The following WDR86 variants were observed in gnomAD, a reference collection of about 807,000 sequenced individuals.
WDR86 encodes the protein WD repeat-containing protein 86.
WDR86 carries 30 observed loss-of-function variants against 36.5 expected under a neutral mutation model. The observed-to-expected ratio is 0.82, with a 90% CI of 0.61 to 1.11. The LOEUF (loss-of-function observed/expected upper bound fraction) is 1.11. WDR86 is among the 50% of genes most tolerant of loss of function. The pLI is 0.00. For synonymous variants in WDR86, 255 were observed against 252.9 expected (o/e 1.01, Z -0.08); for missense variants, 545 against 561.2 (o/e 0.97, Z 0.29).
downstream of WDR86, among the ~76,000 whole-genome samples, chr7:151,380,234 G>A (rs964600153): frequency 2.6e-5 from 4 of 152,192 alleles, no homozygotes; most frequent in Admixed American, 6.5e-5. Context: ...GAGTTACAGC[G>A]CCTGCGTCCT....
At chr7:151,398,459 G>C (rs1800043090) in intron 2 of WDR86, among the ~76,000 whole-genome samples, 2 of 150,908 alleles carry the variant, frequency 1.3e-5, no homozygotes, top group African/African-American at 4.9e-5. Flanking sequence ...GTATGTGTGT[G>C]CACATGTGTA....
At position 151,390,322 on chromosome 7, in the gene WDR86, C is replaced by T. The variant is rs1272690186; in HGVS notation, c.727-5099G>A. On this transcript the variant is annotated intron_variant, in intron 3 of 5. Transcript: ENST00000334493. The surrounding 1 kb of genome is among the most constrained non-coding windows in gnomAD (Gnocchi z 4.5). The stretch of plus-strand genomic sequence containing the variant: ...ACATCAGGACCCCATCTGGCCACGC[C>T]AGGGGCAGCCATCGTGTGTCCCCAC... Among the ~76,000 whole-genome samples the T allele has an allele frequency of 6.6e-6, 1 of 152,174 alleles. No homozygotes were observed. The highest frequency in any genetic ancestry group is 1.5e-5 in the Non-Finnish European group (1 of 68,010).
chr7:151,385,761 C>A (rs114666935), intron 3 of WDR86, among the ~76,000 whole-genome samples: 3,117 of 152,208 alleles, frequency 0.02, 116 homozygotes, highest in African/African-American at 0.072. Context: ...GAAGAGGGCC[C>A]GGGAGACAGT....
intron 3 of WDR86, among the ~76,000 whole-genome samples, chr7:151,391,256 C>T (rs1563051916): frequency 6.6e-6 from 1 of 152,236 alleles, no homozygotes; most frequent in Non-Finnish European, 1.5e-5. Flanking sequence ...ACCCAGAAGT[C>T]CTGCTTCCCG....
chr7:151,395,765 G>A lies in WDR86; in HGVS notation c.726+11C>T. On this transcript the variant is annotated intron_variant, in intron 3 of 5. Transcript: ENST00000334493. ...CCCCTGGCTGCTGGGCGGGGACCAG[G>A]ACAGTCTCACCTCCAGACAGATGAC... 6.5e-7 allele frequency: 1 copy of A among 1,546,606 alleles called. No individual in the cohort carries two copies. Among genetic ancestry groups the A allele is most frequent in the Non-Finnish European group, 8.7e-7 (1 of 1,145,952 alleles).
chr7:151,399,181 A>G (rs1478021096), intron 2 of WDR86, among the ~76,000 whole-genome samples: 1 of 152,098 alleles, frequency 6.6e-6, no homozygotes, highest in Non-Finnish European at 1.5e-5. Context: ...TCAGGGTGTC[A>G]CCCAGCTCCC....
rs1337384144 is a variant in WDR86, at chr7:151,381,634, C to A, written c.1079G>T (p.Arg360Leu). ...GCAGCCCACCTTGTTGCTGAAGAGC[C>A]GCGAGAGGCTGCGCATGGGCGGAGG... ...RPPPPMRSLS[R>L]LFSNKVGCAA... is the part of the protein sequence containing the mutation. Residue 360 changes from arginine (R) to leucine (L), a missense_variant, in exon 6 of 6, where the codon CGG becomes CTG. Arg to Leu is a moderately radical substitution (Grantham distance 102). Coordinates refer to ENST00000334493, the MANE Select transcript of WDR86 (RefSeq NM_198285.3). This position sits in a 1 kb window ranked among gnomAD's most constrained non-coding sequence, Gnocchi z 4.8. 1.4e-6 allele frequency: 2 copies of A among 1,386,980 alleles called. No individual in the cohort carries two copies. The highest frequency in any genetic ancestry group is 3.0e-5 in the East Asian group (1 of 33,326). The allele number at this position is 1,386,980 out of a possible 1,614,324, so 85.9% of individuals were successfully genotyped here. A position where few individuals can be genotyped will look rare whatever the true frequency, so the allele number is the denominator to read the frequency against.
intron 3 of WDR86, 131 bp from the exon 4 acceptor site, chr7:151,385,354 C>T (rs1164044745): frequency 3.7e-5 from 53 of 1,451,660 alleles, no homozygotes; most frequent in Admixed American, 3.3e-4. Context: ...CGAATGGCCC[C>T]GCCACCGGCC....
chr7:151,395,787 T>C lies in WDR86; in HGVS notation c.715A>G (p.Ile239Val). The C allele has an allele frequency of 1.3e-6, 2 of 1,558,650 alleles. No homozygotes were observed. Residue 239 changes from isoleucine to valine, a missense_variant, in exon 3 of 6, where the codon ATC becomes GTC. Transcript: ENST00000334493. ...RVFREHRGSV[I>V]CLELVNRLVY... ...CAGGACAGTCTCACCTCCAGACAGA[T>C]GACGGAGCCCCGGTGCTCCCGGAAC...
intron 4 of WDR86, 140 bp downstream of exon 4, chr7:151,384,948 G>T (rs1247911549): frequency 1.1e-6 from 1 of 950,278 alleles, no homozygotes; most frequent in African/African-American, 1.6e-5. Context: ...ACGGGTGTGT[G>T]GAGAAGGAAC....
At position 151,401,301 on chromosome 7, in the gene WDR86, G is replaced by A. The variant is rs1800272278; in HGVS notation, c.164-1060C>T. The stretch of plus-strand genomic sequence containing the variant: ...TGTTTCAATTCTGTTAAACTAAGAA[G>A]ACAAGAACTGAGGTTTCACAGCAGC... On this transcript the variant is annotated intron_variant, in intron 1 of 5. Coordinates refer to ENST00000334493, the MANE Select transcript of WDR86 (RefSeq NM_198285.3). The surrounding 1 kb of genome is among the most constrained non-coding windows in gnomAD (Gnocchi z 4.3). 6.6e-6 allele frequency among the ~76,000 whole-genome samples: 1 copy of A among 152,194 alleles called. No homozygotes were observed. Among genetic ancestry groups the A allele is most frequent in the South Asian group, 2.1e-4 (1 of 4,830 alleles).
chr7:151,398,227 T>C (rs12703131), intron 2 of WDR86, among the ~76,000 whole-genome samples: 105,096 of 152,070 alleles, frequency 0.69, 36,457 homozygotes, highest in East Asian at 0.81. Context: ...TGTGTGTCTA[T>C]GTGTGTGCAT....
intron 1 of WDR86, among the ~76,000 whole-genome samples, chr7:151,400,674 C>T (rs113228832): frequency 0.1 from 15,293 of 152,286 alleles, 980 homozygotes; most frequent in Non-Finnish European, 0.15. Context: ...TGAGCCACTG[C>T]GCCCAGCCCT....
At position 151,381,693 on chromosome 7, in the gene WDR86, CCAGAGGCG is replaced by C; in HGVS notation, c.1012_1019del (p.Arg338GlyfsTer122). On this transcript the variant is annotated frameshift_variant, in exon 6 of 6. Transcript: ENST00000334493. LOFTEE classifies it high-confidence loss of function. The surrounding 1 kb of genome is among the most constrained non-coding windows in gnomAD (Gnocchi z 4.8). ...GGGCACCTCGGAGCCCGCGCACGTC[CCAGAGGCG>C]CAGGGCGCCGTCGTGCGAGGCGGTG... The C allele has an allele frequency of 6.7e-7, 1 of 1,484,648 alleles. No individual in the cohort carries two copies. The highest frequency in any genetic ancestry group is 8.9e-7 in the Non-Finnish European group (1 of 1,125,170). The allele number at this position is 1,484,648 out of a possible 1,614,324, so 92.0% of individuals were successfully genotyped here. A position where few individuals can be genotyped will look rare whatever the true frequency, so the allele number is the denominator to read the frequency against.
At chr7:151,393,823 T>G (rs1220417327) in intron 3 of WDR86, among the ~76,000 whole-genome samples, 1 of 152,006 alleles carries the variant, frequency 6.6e-6, no homozygotes. Context: ...CCTGGGAGAC[T>G]AGAAGAGCTG....
downstream of WDR86, chr7:151,374,293 G>A (rs1421757882): frequency 6.5e-7 from 1 of 1,541,668 alleles, no homozygotes; most frequent in Non-Finnish European, 8.8e-7. Context: ...AGTGGGTCCT[G>A]CCCAGAGCTC....
Sources: gnomAD v4.1 joint callset for allele counts (sites outside exome capture counted in the v4.1 genomes callset) on GRCh38, gnomAD v4.1.1 for gene constraint, Gnocchi (gnomAD v3.1) non-coding constraint, MANE v1.5 for transcripts, NCBI Gene and HGNC (gene_info 2026-07-23, HGNC 2026-07-21) for gene names.